Variants in ANKRD36B observed in about 807,000 individuals in gnomAD.
ANKRD36B encodes the protein ankyrin repeat domain-containing protein 36B.
ANKRD36B carries 37 observed loss-of-function variants against 135.7 expected under a neutral mutation model. The ratio of observed to expected loss-of-function variants is 0.27; its 90% CI spans 0.21 to 0.36. The LOEUF is 0.36. Ranked by LOEUF, ANKRD36B falls within the 10% of genes least tolerant of loss-of-function variation. The probability of loss-of-function intolerance (pLI) is 1.00; values close to 1 mark genes in which losing one functional copy is unlikely to be tolerated. For missense variants in ANKRD36B, 549 were observed against 1,037.1 expected (o/e 0.53, Z 6.46); for synonymous variants, 179 against 348.1 (o/e 0.51, Z 5.41).
chr2:97,566,085 G>A (rs111420187), intron 6 of ANKRD36B, among the ~76,000 whole-genome samples: 13,748 of 151,790 alleles, frequency 0.091, 751 homozygotes, highest in Middle Eastern at 0.16. Context: ...AGGCCAAGGC[G>A]GGTGGATCAC....
intron 43 of ANKRD36B, among the ~76,000 whole-genome samples, chr2:97,498,939 G>A: frequency 2.0e-5 from 1 of 49,332 alleles, no homozygotes; most frequent in African/African-American, 8.7e-5. Flanking sequence ...ATGAGGGAGA[G>A]GGAGATATAA....
Position 97,540,695 on chromosome 2 carries a change from C to T in ANKRD36B, c.1886-466G>A. On this transcript the variant is annotated intron_variant, in intron 28 of 43. Coordinates refer to ENST00000359901, the MANE Select transcript of ANKRD36B (RefSeq NM_001393939.1). ...CGATAACAGAGAAGGTACACAATTA[C>T]AATGACACTTCAGTTGAATGTACAC... Among the ~76,000 whole-genome samples the T allele has an allele frequency of 2.1e-5, 2 of 96,250 alleles. 1 individual carries two copies. Among genetic ancestry groups the T allele is most frequent in the Non-Finnish European group, 5.5e-5 (2 of 36,150 alleles). 63.1% of individuals were successfully genotyped at this position (96,250 alleles called of 152,430 possible).
chr2:97,580,686 A>G, intron 3 of ANKRD36B, 118 bp from the exon 4 acceptor site: 3 of 917,306 alleles, frequency 3.3e-6, no homozygotes, highest in South Asian at 1.9e-5. Flanking sequence ...CGTAAGAGGT[A>G]GTCCCTTTCT....
At chr2:97,559,229 A>C (rs1215686942) in intron 8 of ANKRD36B, among the ~76,000 whole-genome samples, 1 of 151,828 alleles carries the variant, frequency 6.6e-6, no homozygotes, top group Non-Finnish European at 1.5e-5. Flanking sequence ...TTCGTGATAC[A>C]TCTAAAACTA....
chr2:97,554,787 T>A (rs1004668105), intron 14 of ANKRD36B, among the ~76,000 whole-genome samples: 3 of 151,932 alleles, frequency 2.0e-5, no homozygotes, highest in Non-Finnish European at 2.9e-5. Context: ...AAAGCAAAAT[T>A]ATGCTGTCCC....
chr2:97,569,659 C>T lies in ANKRD36B; in HGVS notation c.763+6720G>A, dbSNP rs929176570. 3.3e-5 allele frequency among the ~76,000 whole-genome samples: 5 copies of T among 151,740 alleles called. No homozygotes were observed. In the East Asian group the frequency reaches 9.7e-4, roughly 29 times the overall value. On this transcript the variant is annotated intron_variant, in intron 6 of 43. Transcript: ENST00000359901. ...GAGCTATGAACGTGAGGGGGGATGG[C>T]GTATGTGAAAAATCTCTTTAGGTTC...
intron 4 of ANKRD36B, among the ~76,000 whole-genome samples, chr2:97,580,106 G>A (rs2104275154): frequency 6.6e-6 from 1 of 152,306 alleles, no homozygotes; most frequent in Admixed American, 6.5e-5. Flanking sequence ...AACCCCTTTA[G>A]CTAATGTAAG....
chr2:97,580,445 A>G lies in ANKRD36B; in HGVS notation c.557+17T>C, dbSNP rs1282089414. 1 of 1,518,862 alleles carries G rather than the reference A, an allele frequency of 6.6e-7. No homozygotes were observed. The highest frequency in any genetic ancestry group is 2.2e-5 in the Admixed American group (1 of 46,430). The allele number at this position is 1,518,862 out of a possible 1,614,324, so 94.1% of individuals were successfully genotyped here. ...ACTCAGGTTTAAAAACAACACAATA[A>G]GAACTAAGGTCTGTACCTGCCAAGA... is the stretch of plus-strand genomic sequence containing the variant. On this transcript the variant is annotated intron_variant, in intron 4 of 43. Transcript: ENST00000359901.
rs1250785177 is a variant in ANKRD36B at position 97,573,163 on chromosome 2, G to A, written c.763+3216C>T. Among the ~76,000 whole-genome samples, 3 of 151,974 alleles carry A rather than the reference G, an allele frequency of 2.0e-5. No homozygotes were observed. In the East Asian group the frequency reaches 5.8e-4, roughly 29 times the overall value. On this transcript the variant is annotated intron_variant, in intron 6 of 43. Transcript: ENST00000359901. Reference sequence around the variant, plus strand: ...CCAGCTATGAGTGACAACATGCGGTGTTTCGTTTTTTGTCCTTGCCATAAT... The same window carrying A: ...CCAGCTATGAGTGACAACATGCGGTATTTCGTTTTTTGTCCTTGCCATAAT...
At chr2:97,573,346 C>T (rs1409701174) in intron 6 of ANKRD36B, among the ~76,000 whole-genome samples, 2 of 151,974 alleles carry the variant, frequency 1.3e-5, no homozygotes, top group Non-Finnish European at 2.9e-5. Context: ...CATGTCTTTG[C>T]TATTGTGAAT....
chr2:97,579,636 T>C (rs908317892), intron 4 of ANKRD36B, among the ~76,000 whole-genome samples: 1 of 73,570 alleles, frequency 1.4e-5, no homozygotes, highest in Non-Finnish European at 3.7e-5. Flanking sequence ...CTATAAAATA[T>C]ATAATATATA....
Position 97,551,496 on chromosome 2 carries a change from G to T in ANKRD36B, c.1274-16C>A, listed in dbSNP as rs2080063376. The T allele has an allele frequency of 1.2e-6, 2 of 1,607,496 alleles. No individual in the cohort carries two copies. The highest frequency in any genetic ancestry group is 1.7e-6 in the Non-Finnish European group (2 of 1,178,560). Reference sequence around the variant, plus strand: ...TGAGAAGACACTGAAAAGCAAAAGGGATACATAATCACTCATATGTAACTA... The same window carrying T: ...TGAGAAGACACTGAAAAGCAAAAGGTATACATAATCACTCATATGTAACTA... On this transcript the variant is annotated splice_polypyrimidine_tract_variant and intron_variant, in intron 16 of 43. Transcript: ENST00000359901.
In ANKRD36B at chr2:97,558,801, G is replaced by C. The variant is rs752335780; in HGVS notation, c.965C>G (p.Thr322Arg). ...TTAAATGTGTTTTGCAAAATTACCT[G>C]TCCCAGATTGTTGTCCCTCCTTTAT... is the stretch of plus-strand genomic sequence containing the variant. The part of the protein sequence containing the change: ...TEIKEGQQSG[T>R]VSPQKQSAQK... Residue 322 changes from threonine to arginine, a missense_variant and splice_region_variant, in exon 10 of 44, where the codon ACA (threonine) becomes AGA (arginine). Transcript: ENST00000359901. 8.1e-6 allele frequency: 13 copies of C among 1,611,270 alleles called. No homozygotes were observed. The highest frequency in any genetic ancestry group is 1.1e-5 in the Non-Finnish European group (13 of 1,178,622).
At chr2:97,586,875 C>CA (rs1320537983) in intron 1 of ANKRD36B, among the ~76,000 whole-genome samples, 2 of 152,014 alleles carry the variant, frequency 1.3e-5, no homozygotes, top group South Asian at 2.1e-4. Context: ...TACCAATAAA[C>CA]AAAAAAATAA....
intron 5 of ANKRD36B, among the ~76,000 whole-genome samples, chr2:97,578,671 G>A (rs2082380992): frequency 6.6e-6 from 1 of 152,066 alleles, no homozygotes; most frequent in Admixed American, 6.6e-5. Flanking sequence ...AAGGAGAAAA[G>A]TCCTGAAAGT....
At chr2:97,581,998 G>A (rs1450294617) in intron 3 of ANKRD36B, among the ~76,000 whole-genome samples, 2 of 150,268 alleles carry the variant, frequency 1.3e-5, no homozygotes, top group Admixed American at 6.6e-5. Context: ...GTAGTAGAGA[G>A]GGGGTTTCAC....
intron 16 of ANKRD36B, among the ~76,000 whole-genome samples, chr2:97,552,387 A>G (rs546619880): frequency 6.6e-6 from 1 of 152,114 alleles, no homozygotes; most frequent in African/African-American, 2.4e-5. Flanking sequence ...TAGCTATTTT[A>G]TCCAAGAGGT....
At position 97,543,579 on chromosome 2, in the gene ANKRD36B, A is replaced by G. The variant is rs2922572; in HGVS notation, c.1783+211T>C. ...CTCCATATTTCTTCTTCCCAATTTC[A>G]ATGTGGGGAAGTCTATATAATCTTA... is the stretch of plus-strand genomic sequence containing the variant. On this transcript the variant is annotated intron_variant, in intron 26 of 43. Transcript: ENST00000359901. Among the ~76,000 whole-genome samples the G allele has an allele frequency of 1.3e-4, 12 of 94,796 alleles. 3 individuals carry two copies. Among genetic ancestry groups the G allele is most frequent in the Middle Eastern group, 0.01 (2 of 194 alleles). 62.2% of individuals were successfully genotyped at this position (94,796 alleles called of 152,430 possible). A position where few individuals can be genotyped will look rare whatever the true frequency, so the allele number is the denominator to read the frequency against.
At chr2:97,546,843 C>A (rs2079514374) in intron 22 of ANKRD36B, among the ~76,000 whole-genome samples, 1 of 151,580 alleles carries the variant, frequency 6.6e-6, no homozygotes. Flanking sequence ...TAACTATAAT[C>A]AACAAAATAT....
Sources: gnomAD v4.1 joint callset for allele counts (sites outside exome capture counted in the v4.1 genomes callset) on GRCh38, gnomAD v4.1.1 for gene constraint, MANE v1.5 for transcripts, NCBI Gene and HGNC (gene_info 2026-07-23, HGNC 2026-07-21) for gene names.